CCDC148: variants seen among roughly 807,000 people sequenced by gnomAD.
CCDC148 encodes coiled-coil domain containing 148.
CCDC148 carries 89 observed loss-of-function variants against 85.7 expected under a neutral mutation model. That is an observed-to-expected ratio of 1.04 (90% CI 0.87 to 1.24). The LOEUF (loss-of-function observed/expected upper bound fraction) is 1.24. Among genes scored for constraint, CCDC148 ranks in the 50% most tolerant of loss-of-function variants. The pLI is 0.00. For synonymous variants in CCDC148, 230 were observed against 213.9 expected (o/e 1.08, Z -0.66); for missense variants, 692 against 671.7 (o/e 1.03, Z -0.33).
intron 1 of CCDC148, among the ~76,000 whole-genome samples, chr2:158,417,319 C>T (rs146084879): frequency 9.2e-5 from 14 of 152,288 alleles, no homozygotes; most frequent in South Asian, 2.1e-4. Flanking sequence ...CTGTGGTGGC[C>T]CTGGAAGTGT....
chr2:158,382,349 T>C (rs1574726443), intron 1 of CCDC148, among the ~76,000 whole-genome samples: 1 of 152,260 alleles, frequency 6.6e-6, no homozygotes, highest in East Asian at 1.9e-4. Context: ...ATTTTTGTTA[T>C]TGGGAAAAGG....
At chr2:158,416,471 T>C (rs975930683) in intron 1 of CCDC148, among the ~76,000 whole-genome samples, 18 of 152,210 alleles carry the variant, frequency 1.2e-4, no homozygotes, top group Admixed American at 4.6e-4. Context: ...TAGAAATTTC[T>C]TCTGCCAGAC....
intron 8 of CCDC148, among the ~76,000 whole-genome samples, chr2:158,313,186 G>A (rs1692117560): frequency 6.6e-6 from 1 of 152,214 alleles, no homozygotes; most frequent in African/African-American, 2.4e-5. Flanking sequence ...CAATAAAACA[G>A]TAATTTCCCA....
chr2:158,266,185 C>T (rs1371215162), intron 9 of CCDC148, among the ~76,000 whole-genome samples: 28 of 152,124 alleles, frequency 1.8e-4, no homozygotes, highest in Non-Finnish European at 1.5e-5. Context: ...GGCACAAGCT[C>T]AAATATTTGC....
intron 10 of CCDC148, among the ~76,000 whole-genome samples, chr2:158,228,367 A>C (rs1410936816): frequency 3.9e-5 from 6 of 152,194 alleles, no homozygotes; most frequent in African/African-American, 7.2e-5. Context: ...GTGGGACTGT[A>C]AACTAGTTCA....
At chr2:158,218,920 C>A (rs552446806) in intron 11 of CCDC148, among the ~76,000 whole-genome samples, 1 of 152,172 alleles carries the variant, frequency 6.6e-6, no homozygotes, top group Non-Finnish European at 1.5e-5. Context: ...ATGTGCATTT[C>A]GTCCAGAAAA....
intron 2 of CCDC148, among the ~76,000 whole-genome samples, chr2:158,351,275 C>T (rs981393796): frequency 2.0e-5 from 3 of 152,186 alleles, no homozygotes; most frequent in East Asian, 3.9e-4. Flanking sequence ...CAGCTCCCAG[C>T]GTGAGTGACG....
intron 9 of CCDC148, among the ~76,000 whole-genome samples, chr2:158,263,148 C>T (rs767331418): frequency 2.0e-4 from 31 of 151,996 alleles, no homozygotes; most frequent in Admixed American, 5.3e-4. Context: ...CAGCTTTGAA[C>T]GATTCACAAA....
chr2:158,307,534 G>C (rs1228868658), intron 9 of CCDC148, among the ~76,000 whole-genome samples: 1 of 152,204 alleles, frequency 6.6e-6, no homozygotes, highest in East Asian at 1.9e-4. Context: ...ATGATGTAGT[G>C]ATTCTGCTCC....
chr2:158,433,089 A>ATATAT (rs57003336), intron 1 of CCDC148, among the ~76,000 whole-genome samples: 292 of 64,908 alleles, frequency 4.5e-3, no homozygotes, highest in Admixed American at 7.3e-3. Context: ...AAAAAAAAAA[A>ATATAT]AAATATATAT....
At chr2:158,380,226 G>A (rs1224121021) in intron 1 of CCDC148, among the ~76,000 whole-genome samples, 1 of 152,084 alleles carries the variant, frequency 6.6e-6, no homozygotes. Context: ...AACTGGAAAT[G>A]ACTTTAAAAT....
intron 10 of CCDC148, among the ~76,000 whole-genome samples, chr2:158,226,387 C>A (rs1358689001): frequency 7.2e-5 from 11 of 152,142 alleles, no homozygotes; most frequent in Non-Finnish European, 1.5e-4. Flanking sequence ...TAAGGAGGAG[C>A]CGGTACCATT....
At chr2:158,417,972 T>C (rs1486098576) in intron 1 of CCDC148, among the ~76,000 whole-genome samples, 1 of 152,220 alleles carries the variant, frequency 6.6e-6, no homozygotes, top group Non-Finnish European at 1.5e-5. Context: ...AAAATATGCA[T>C]AGTTCAAATC....
At chr2:158,353,574 A>T (rs1342827433) in intron 2 of CCDC148, among the ~76,000 whole-genome samples, 1 of 151,946 alleles carries the variant, frequency 6.6e-6, no homozygotes, top group East Asian at 1.9e-4. Flanking sequence ...AAGATTCATA[A>T]AGCAAGTCCT....
intron 9 of CCDC148, among the ~76,000 whole-genome samples, chr2:158,280,725 G>A (rs1160946078): frequency 6.6e-6 from 1 of 152,092 alleles, no homozygotes; most frequent in Non-Finnish European, 1.5e-5. Flanking sequence ...CAACGAGACA[G>A]AAAGTCAACA....
Position 158,339,034 on chromosome 2 carries a change from C to A in CCDC148, c.538G>T (p.Glu180Ter), listed in dbSNP as rs1275215471. 5 of 1,613,872 alleles carry A rather than the reference C, an allele frequency of 3.1e-6. No individual in the cohort carries two copies. In the South Asian group the frequency reaches 4.4e-5, roughly 14 times the overall value. ...LKTVFERLRLEQQRIENDLSD... is the reference protein window; with the variant it reads ...LKTVFERLRL ...AGATCATTTTCTATTCTCTGTTGCT[C>A]CAGCCTAAGTCTTTCAAAGACAGTT... Residue 180 changes from glutamate (E) to a stop codon, truncating the protein, a stop_gained, in exon 6 of 14, where the codon GAG becomes TAG. Transcript: ENST00000283233. LOFTEE classifies it high-confidence loss of function.
chr2:158,275,296 C>T (rs556882931), intron 9 of CCDC148, among the ~76,000 whole-genome samples: 2 of 152,288 alleles, frequency 1.3e-5, no homozygotes, highest in South Asian at 4.1e-4. Flanking sequence ...TTTGTCCTCT[C>T]TTATAAGATA....
At chr2:158,296,402 ACT>A (rs1691190039) in intron 9 of CCDC148, among the ~76,000 whole-genome samples, 1 of 150,802 alleles carries the variant, frequency 6.6e-6, no homozygotes, top group Non-Finnish European at 1.5e-5. Flanking sequence ...CTATTTCTGG[ACT>A]CTCTATTCTG....
At chr2:158,179,998 C>T (rs1229581442) in intron 11 of CCDC148, among the ~76,000 whole-genome samples, 1 of 152,198 alleles carries the variant, frequency 6.6e-6, no homozygotes, top group Non-Finnish European at 1.5e-5. Flanking sequence ...GCCTCCCTTG[C>T]CATCTCCTTG....
Sources: gnomAD v4.1 joint callset for allele counts (sites outside exome capture counted in the v4.1 genomes callset) on GRCh38, gnomAD v4.1.1 for gene constraint, MANE v1.5 for transcripts, NCBI Gene and HGNC (gene_info 2026-07-23, HGNC 2026-07-21) for gene names.